Variants in UNC80 observed in about 807,000 individuals in gnomAD.
UNC80 encodes protein unc-80 homolog.
UNC80 carries 164 observed loss-of-function variants against 384.6 expected under a neutral mutation model. That is an observed-to-expected ratio of 0.43 (90% CI 0.38 to 0.49). UNC80 has a LOEUF of 0.49. Among genes scored for constraint, UNC80 ranks in the 20% least tolerant of loss-of-function variants. The pLI, the probability that UNC80 is intolerant of heterozygous loss-of-function variation, is 0.00. For missense variants in UNC80, 3,330 were observed against 4,143.0 expected, an observed-to-expected ratio of 0.80 and a Z score of 5.39; for synonymous variants, 1,486 against 1,527.8, an observed-to-expected ratio of 0.97 and a Z score of 0.64.
intron 20 of UNC80, among the ~76,000 whole-genome samples, chr2:209,841,067 T>C (rs1574683945): frequency 1.4e-5 from 2 of 146,634 alleles, no homozygotes; most frequent in South Asian, 4.5e-4. Flanking sequence ...TGAACCACTG[T>C]CTGTATTGAA....
At chr2:209,883,182 A>G (rs1167216304) in intron 25 of UNC80, among the ~76,000 whole-genome samples, 1 of 152,178 alleles carries the variant, frequency 6.6e-6, no homozygotes, top group Non-Finnish European at 1.5e-5. Context: ...ACTTATTGAA[A>G]TGTTTTACCA....
chr2:209,947,476 A>G (rs1487018382), intron 47 of UNC80, among the ~76,000 whole-genome samples: 1 of 152,240 alleles, frequency 6.6e-6, no homozygotes, highest in Non-Finnish European at 1.5e-5. Flanking sequence ...AAGGTGTTAG[A>G]GTTCACAATC....
chr2:209,920,799 A>G (rs759321845), intron 33 of UNC80, among the ~76,000 whole-genome samples: 20 of 151,406 alleles, frequency 1.3e-4, no homozygotes, highest in Non-Finnish European at 2.4e-4. Flanking sequence ...CTGACTTTCA[A>G]TTTTATTAAC....
At chr2:209,909,160 T>C (rs960789962) in intron 29 of UNC80, among the ~76,000 whole-genome samples, 3 of 152,178 alleles carry the variant, frequency 2.0e-5, no homozygotes, top group Non-Finnish European at 4.4e-5. Context: ...AGGCACCTAC[T>C]CCAGAAGTTA....
At chr2:209,886,087 A>T (rs1187265934) in intron 25 of UNC80, among the ~76,000 whole-genome samples, 4 of 152,064 alleles carry the variant, frequency 2.6e-5, no homozygotes, top group African/African-American at 9.7e-5. Flanking sequence ...ATTGATGAGA[A>T]TCAAAAGCAT....
intron 35 of UNC80, 99 bp from the exon 36 acceptor site, chr2:209,926,744 C>T (rs1281097068): frequency 7.6e-6 from 11 of 1,443,040 alleles, no homozygotes; most frequent in Admixed American, 2.1e-5. Context: ...CCACTGTACT[C>T]CAGCCTGGGT....
At chr2:209,870,529 G>T (rs1047667992) in intron 22 of UNC80, among the ~76,000 whole-genome samples, 2 of 152,110 alleles carry the variant, frequency 1.3e-5, no homozygotes, top group Non-Finnish European at 2.9e-5. Flanking sequence ...ATGCATTGAT[G>T]AGATAGATTC....
rs537799578 is a variant in UNC80 at position 209,931,529 on chromosome 2, C to T, written c.5994+475C>T. 9.9e-5 allele frequency among the ~76,000 whole-genome samples: 15 copies of T among 152,244 alleles called. No homozygotes were observed. The East Asian group carries it at 2.7e-3, about 28-fold the overall frequency. On this transcript the variant is annotated intron_variant, in intron 38 of 64. Transcript: ENST00000673920. ...TTCTTTTCTGATCCTCTGAGACTTA[C>T]CAATTTCTTCACATTCTTTTTTTAA... is the stretch of plus-strand genomic sequence containing the variant.
In UNC80 at chr2:209,912,388, G is replaced by A. The variant is rs2089046869; in HGVS notation, c.4783-172G>A. Among the ~76,000 whole-genome samples the A allele has an allele frequency of 2.6e-5, 4 of 152,172 alleles. No homozygotes were observed. The South Asian group carries it at 6.2e-4, about 24-fold the overall frequency. ...CTAATTTTTTATTATAAAATTAACT[G>A]CTTTTATAAATAAACTGCTTTTATA... On this transcript the variant is annotated intron_variant, in intron 29 of 64. Coordinates refer to ENST00000673920, the MANE Select transcript of UNC80 (RefSeq NM_001371986.1).
chr2:209,928,749 A>T (rs754900969), intron 36 of UNC80, among the ~76,000 whole-genome samples: 3 of 152,186 alleles, frequency 2.0e-5, no homozygotes, highest in Non-Finnish European at 4.4e-5. Flanking sequence ...GTCACCCTAC[A>T]GTGCTAAAGA....
chr2:209,829,250 A>G lies in UNC80; in HGVS notation c.2497A>G (p.Lys833Glu). ...ATTGCAGGCCCAGAACTGCCTCACT[A>G]AGCTATACAAGCTAGATAAGATGCA... ...FRENAQNCLT[K>E]LYKLDKMQFR... The change falls in exon 15 of 65, where the codon AAG becomes GAG. Residue 833 changes from lysine (K) to glutamate (E), a missense_variant. Coordinates refer to ENST00000673920, the MANE Select transcript of UNC80 (RefSeq NM_001371986.1). The G allele has an allele frequency of 6.4e-7, 1 of 1,551,264 alleles. No homozygotes were observed. Among genetic ancestry groups the G allele is most frequent in the Non-Finnish European group, 8.7e-7 (1 of 1,146,680 alleles).
chr2:209,796,190 T>G (rs2078143270), intron 7 of UNC80: 1 of 152,244 alleles, frequency 6.6e-6, no homozygotes, highest in African/African-American at 2.4e-5. Flanking sequence ...ATTTTGGAGC[T>G]TTAAAGTTTG....
At chr2:209,890,169 T>C (rs1297311982) in intron 26 of UNC80, among the ~76,000 whole-genome samples, 3 of 152,146 alleles carry the variant, frequency 2.0e-5, no homozygotes, top group Non-Finnish European at 4.4e-5. Flanking sequence ...ATGTCTTAAT[T>C]ACTTTTCAAC....
chr2:209,919,197 A>C (rs1559329506), intron 33 of UNC80, among the ~76,000 whole-genome samples: 1 of 152,186 alleles, frequency 6.6e-6, no homozygotes, highest in Admixed American at 6.5e-5. Flanking sequence ...CCATTTATAG[A>C]CAAAAAACAA....
At chr2:209,921,739 T>C in intron 34 of UNC80, 53 bp downstream of exon 34, 2 of 1,474,734 alleles carry the variant, frequency 1.4e-6, no homozygotes, top group Non-Finnish European at 1.8e-6. Flanking sequence ...GGAAATAACG[T>C]GCTCTGAAAT....
In UNC80 at chr2:209,977,108, G is replaced by T. The variant is rs1341992960; in HGVS notation, c.8938+30G>T. 7 of 1,457,570 alleles carry T rather than the reference G, an allele frequency of 4.8e-6. No homozygotes were observed. In the Admixed American group the frequency reaches 6.1e-5, roughly 13 times the overall value. 90.3% of individuals were successfully genotyped at this position (1,457,570 alleles called of 1,614,324 possible). ...GTGTGCATGAGAGTGTTGTGAATTT[G>T]TTTGACTAATGGAACTCACAGCCTA... On this transcript the variant is annotated intron_variant, in intron 58 of 64. Transcript: ENST00000673920.
Position 209,813,855 on chromosome 2 carries a change from G to T in UNC80, c.1200+14G>T. 2 of 1,547,436 alleles carry T rather than the reference G, an allele frequency of 1.3e-6. No individual in the cohort carries two copies. The highest frequency in any genetic ancestry group is 1.2e-5 in the South Asian group (1 of 83,520). ...CACAAAACCCAAGTAAGAAAAACCC[G>T]GTTCATTGTCATTCAAACCAGCAAC... On this transcript the variant is annotated intron_variant, in intron 8 of 64. Transcript: ENST00000673920.
intron 28 of UNC80, among the ~76,000 whole-genome samples, chr2:209,897,499 T>C (rs577619077): frequency 6.6e-6 from 1 of 152,312 alleles, no homozygotes; most frequent in South Asian, 2.1e-4. Context: ...GTTGTTCTTC[T>C]CCTTCACAAT....
At chr2:209,861,510 C>G (rs541146755) in intron 22 of UNC80, among the ~76,000 whole-genome samples, 89 of 152,086 alleles carry the variant, frequency 5.9e-4, no homozygotes, top group African/African-American at 2.0e-3. Context: ...TATATTGTGT[C>G]TCTTCCAGGT....
Sources: allele counts gnomAD v4.1 joint callset (sites outside exome capture counted in the v4.1 genomes callset), GRCh38; gene constraint gnomAD v4.1.1; transcripts MANE v1.5; gene names NCBI Gene and HGNC (gene_info 2026-07-23, HGNC 2026-07-21).